MIGA1: variants seen among roughly 807,000 people sequenced by gnomAD.
MIGA1 encodes mitoguardin 1, also known as family with sequence similarity 73, member A.
Under a neutral mutation model 82.0 loss-of-function variants are expected in MIGA1, and 58 were observed. The ratio of observed to expected loss-of-function variants is 0.71; its 90% CI spans 0.57 to 0.88. The LOEUF is 0.88. Ranked by LOEUF, MIGA1 falls within the 40% of genes least tolerant of loss-of-function variation. The pLI is 0.00. For synonymous variants in MIGA1, 249 were observed against 253.6 expected (o/e 0.98, Z 0.17); for missense variants, 751 against 749.1 (o/e 1.00, Z -0.03).
chr1:77,801,225 A>G (rs111995812), intron 2 of MIGA1, 106 bp from the exon 3 acceptor site: 1 of 714,794 alleles, frequency 1.4e-6, no homozygotes, highest in East Asian at 3.0e-5. Context: ...TTCTCTTGAT[A>G]GTATTTAGAA....
chr1:77,838,180 A>G (rs1242749259), intron 7 of MIGA1, among the ~76,000 whole-genome samples: 1 of 152,188 alleles, frequency 6.6e-6, no homozygotes, highest in African/African-American at 2.4e-5. Flanking sequence ...AAAAAGTACA[A>G]TTATTTATCA....
At chr1:77,811,739 T>C (rs1683340595) in intron 5 of MIGA1, 2 of 1,610,418 alleles carry the variant, frequency 1.2e-6, no homozygotes, top group Admixed American at 1.7e-5. Context: ...CTCCTAAAAC[T>C]GGCGCCCCAG....
At chr1:77,848,886 T>TTACC (rs1355666050) in intron 8 of MIGA1, 6 of 716,440 alleles carry the variant, frequency 8.4e-6, no homozygotes, top group Admixed American at 3.0e-5. Flanking sequence ...AAGGAGTGTG[T>TTACC]TACCAGTAGT....
At chr1:77,818,526 A>G (rs10873955) in intron 7 of MIGA1, among the ~76,000 whole-genome samples, 97,075 of 151,946 alleles carry the variant, frequency 0.64, 32,386 homozygotes, top group Non-Finnish European at 0.74. Context: ...GGTAACAAAC[A>G]ATAGTGGCTA....
At position 77,796,278 on chromosome 1, in the gene MIGA1, C is replaced by T. The variant is rs540249956; in HGVS notation, c.196-5053C>T. On this transcript the variant is annotated intron_variant, in intron 2 of 15. Transcript: ENST00000370791. ...GGACTACAGGCGACCGCCACCATGC[C>T]GGCTAATTTTTTTGTATTTTTAGTA... 9.9e-5 allele frequency among the ~76,000 whole-genome samples: 15 copies of T among 151,666 alleles called. No homozygotes were observed. The South Asian group carries it at 1.3e-3, about 13-fold the overall frequency.
chr1:77,811,923 C>A, intron 5 of MIGA1: 1 of 1,420,938 alleles, frequency 7.0e-7, no homozygotes, highest in Non-Finnish European at 9.2e-7. Context: ...CGAGGAGCCG[C>A]CCAAGCCCAT....
At chr1:77,786,459 A>C (rs1241314684) in intron 2 of MIGA1, among the ~76,000 whole-genome samples, 1 of 152,224 alleles carries the variant, frequency 6.6e-6, no homozygotes, top group African/African-American at 2.4e-5. Flanking sequence ...GTCAGGTTGC[A>C]AATTTTCCAA....
intron 8 of MIGA1, chr1:77,848,271 G>A: frequency 2.2e-6 from 3 of 1,360,770 alleles, no homozygotes; most frequent in Non-Finnish European, 3.1e-6. Context: ...GTGTGGAAAA[G>A]GGAGAAAGAT....
At chr1:77,796,378 A>G (rs2101731294) in intron 2 of MIGA1, among the ~76,000 whole-genome samples, 1 of 151,820 alleles carries the variant, frequency 6.6e-6, no homozygotes, top group Middle Eastern at 3.5e-3. Flanking sequence ...TTGGCCTCCC[A>G]AAGTACTGGG....
chr1:77,841,339 A>G (rs1408061917), intron 7 of MIGA1, among the ~76,000 whole-genome samples: 2 of 151,668 alleles, frequency 1.3e-5, no homozygotes, highest in Non-Finnish European at 2.9e-5. Context: ...CCAAACATAA[A>G]GTAGGAAAAA....
chr1:77,847,378 C>G, intron 8 of MIGA1: 1 of 1,084,456 alleles, frequency 9.2e-7, no homozygotes. Context: ...GAAAACAATA[C>G]TAAATTGCTT....
chr1:77,835,935 G>A (rs1570977162), intron 7 of MIGA1, among the ~76,000 whole-genome samples: 1 of 151,880 alleles, frequency 6.6e-6, no homozygotes, highest in South Asian at 2.1e-4. Context: ...GCAACAGAGC[G>A]AGACTCTGTT....
intron 1 of MIGA1, chr1:77,782,812 A>G (rs1681981971): frequency 1.1e-6 from 1 of 949,372 alleles, no homozygotes; most frequent in African/African-American, 1.8e-5. Context: ...TCTGTTCCAG[A>G]TTCCATTCAG....
intron 7 of MIGA1, among the ~76,000 whole-genome samples, chr1:77,818,342 C>T (rs557273482): frequency 1.3e-5 from 2 of 152,044 alleles, no homozygotes; most frequent in East Asian, 1.9e-4. Flanking sequence ...AGGCTGGTCT[C>T]GAACTCCTGA....
intron 7 of MIGA1, among the ~76,000 whole-genome samples, chr1:77,832,926 G>A (rs955304078): frequency 6.6e-6 from 1 of 152,180 alleles, no homozygotes; most frequent in African/African-American, 2.4e-5. Flanking sequence ...CATCCTTTAA[G>A]GGAAAATTAG....
intron 8 of MIGA1, among the ~76,000 whole-genome samples, chr1:77,849,575 TA>T (rs1352581994): frequency 6.6e-6 from 1 of 152,210 alleles, no homozygotes; most frequent in Non-Finnish European, 1.5e-5. Context: ...ACATCTTGTC[TA>T]AATAGCTTAC....
At position 77,874,946 on chromosome 1, in the gene MIGA1, G is replaced by A. The variant is rs372915680; in HGVS notation, c.1781G>A (p.Arg594His). Residue 594 changes from arginine (R) to histidine (H), a missense_variant, in exon 16 of 16, where the codon CGC becomes CAC. By Grantham distance (29) the Arg-to-His change is conservative. This residue lies in a region of MIGA1 where 265 missense variants were observed against 293.6 expected (regional missense o/e 0.90). Transcript: ENST00000370791. ...GAAGACCTCATGCAGTTACTCATTC[G>A]CCGCACTGAGCTTTTAATGGCCTAT... is the stretch of plus-strand genomic sequence containing the variant. 146 of 1,613,902 alleles carry A rather than the reference G, an allele frequency of 9.0e-5. No individual in the cohort carries two copies. Among genetic ancestry groups the A allele is most frequent in the Non-Finnish European group, 1.2e-4 (136 of 1,179,990 alleles).
Position 77,790,661 on chromosome 1 carries a change from C to T in MIGA1, c.195+7310C>T, listed in dbSNP as rs530053442. Among the ~76,000 whole-genome samples the T allele has an allele frequency of 2.0e-5, 3 of 150,954 alleles. No homozygotes were observed. In the East Asian group the frequency reaches 5.9e-4, roughly 30 times the overall value. ...AGTGCAATGGTGCGATCTTGGCTCA[C>T]TTGCAACCTCCACATCCCAGGTTCA... On this transcript the variant is annotated intron_variant, in intron 2 of 15. Transcript: ENST00000370791.
chr1:77,858,286 G>T (rs188043786), intron 8 of MIGA1, among the ~76,000 whole-genome samples: 355 of 152,020 alleles, frequency 2.3e-3, no homozygotes, highest in Middle Eastern at 0.01. Context: ...GATGGAGGCT[G>T]CATTGAGCCA....
Sources: gnomAD v4.1 joint callset for allele counts (sites outside exome capture counted in the v4.1 genomes callset) on GRCh38, gnomAD v4.1.1 for gene constraint, gnomAD v4.1.1 regional missense constraint, MANE v1.5 for transcripts, NCBI Gene and HGNC (gene_info 2026-07-23, HGNC 2026-07-21) for gene names.